Variants in ELF2 observed in about 807,000 individuals in gnomAD.
ELF2 encodes the protein E74 like ETS transcription factor 2.
ELF2 carries 11 observed loss-of-function variants against 54.8 expected under a neutral mutation model. The observed-to-expected ratio is 0.20, with a 90% CI of 0.13 to 0.33. ELF2 has a LOEUF of 0.33. Among genes scored for constraint, ELF2 ranks in the 10% least tolerant of loss-of-function variants. The pLI is 1.00. For synonymous variants in ELF2, 203 were observed against 245.1 expected (o/e 0.83, Z 1.61); for missense variants, 513 against 703.0 (o/e 0.73, Z 3.06).
intron 4 of ELF2, among the ~76,000 whole-genome samples, chr4:139,091,053 C>T (rs1043503922): frequency 6.6e-5 from 10 of 152,180 alleles, no homozygotes; most frequent in African/African-American, 2.4e-4. Context: ...CCTGCCTCAG[C>T]CTCCCAAGTA....
At chr4:139,134,901 T>C (rs963043922) in intron 3 of ELF2, among the ~76,000 whole-genome samples, 7 of 151,860 alleles carry the variant, frequency 4.6e-5, no homozygotes, top group African/African-American at 1.4e-4. Flanking sequence ...ATTTGGTACT[T>C]TGAATTTTTA....
intron 4 of ELF2, among the ~76,000 whole-genome samples, chr4:139,124,161 C>T (rs889442203): frequency 7.2e-5 from 11 of 152,148 alleles, no homozygotes; most frequent in Non-Finnish European, 1.3e-4. Flanking sequence ...TACAGATGCA[C>T]ACCACCACAC....
At chr4:139,134,582 ATATTTAT>A (rs1560851088) in intron 3 of ELF2, among the ~76,000 whole-genome samples, 16 of 143,784 alleles carry the variant, frequency 1.1e-4, no homozygotes, top group Middle Eastern at 3.5e-3. Context: ...ATTTTATGTT[ATATTTAT>A]TTTATTTTAT....
intron 4 of ELF2, among the ~76,000 whole-genome samples, chr4:139,083,460 C>G (rs529566747): frequency 4.8e-4 from 73 of 152,278 alleles, no homozygotes; most frequent in Non-Finnish European, 9.0e-4. Flanking sequence ...AAACATCATC[C>G]CGGTTACTCA....
intron 6 of ELF2, among the ~76,000 whole-genome samples, chr4:139,069,343 T>C (rs1172384243): frequency 6.6e-6 from 1 of 152,200 alleles, no homozygotes; most frequent in Non-Finnish European, 1.5e-5. Flanking sequence ...TTCTGGTAAT[T>C]GTAATCAGAA....
At chr4:139,078,770 C>A (rs529151977) in intron 4 of ELF2, among the ~76,000 whole-genome samples, 55 of 151,728 alleles carry the variant, frequency 3.6e-4, no homozygotes, top group Non-Finnish European at 5.4e-4. Context: ...AGCTATCCTC[C>A]GACCTTTTTT....
chr4:139,169,509 T>C (rs923319169), intron 1 of ELF2, among the ~76,000 whole-genome samples: 1 of 152,128 alleles, frequency 6.6e-6, no homozygotes, highest in Non-Finnish European at 1.5e-5. Context: ...CTGATCTTTA[T>C]AGCCAAACAT....
At chr4:139,164,823 T>G (rs1335248924) in intron 1 of ELF2, among the ~76,000 whole-genome samples, 1 of 152,258 alleles carries the variant, frequency 6.6e-6, no homozygotes, top group Non-Finnish European at 1.5e-5. Flanking sequence ...TATTGGCTTT[T>G]ACTGATGTGT....
intron 3 of ELF2, among the ~76,000 whole-genome samples, chr4:139,127,849 C>T (rs192854049): frequency 8.4e-4 from 128 of 151,874 alleles, no homozygotes; most frequent in Non-Finnish European, 1.6e-3. Flanking sequence ...CCTGTAATCC[C>T]AGCTACTTGG....
intron 3 of ELF2, among the ~76,000 whole-genome samples, chr4:139,134,193 GT>G (rs1227264094): frequency 1.3e-5 from 2 of 151,892 alleles, no homozygotes; most frequent in African/African-American, 4.8e-5. Flanking sequence ...TGGCAAATGG[GT>G]TTTCTGTAAC....
chr4:139,098,556 C>T (rs1733533908), intron 4 of ELF2, among the ~76,000 whole-genome samples: 1 of 151,952 alleles, frequency 6.6e-6, no homozygotes, highest in Admixed American at 6.5e-5. Context: ...GCAACCTCCA[C>T]CCTCCAGGTT....
At chr4:139,063,386 T>C (rs1226145195) in intron 7 of ELF2, among the ~76,000 whole-genome samples, 1 of 152,232 alleles carries the variant, frequency 6.6e-6, no homozygotes, top group African/African-American at 2.4e-5. Flanking sequence ...TATATATACT[T>C]ATATCTTAAA....
At chr4:139,164,653 T>C (rs892105936) in intron 1 of ELF2, among the ~76,000 whole-genome samples, 4 of 152,226 alleles carry the variant, frequency 2.6e-5, no homozygotes, top group East Asian at 3.9e-4. Flanking sequence ...ACAACAAATA[T>C]CTAAAATTTT....
rs542901294 is a variant in ELF2 at position 139,134,527 on chromosome 4, TTATTG to T, written c.72+3098_72+3102del. ...GCATGCTACCATGCCTGGCTAGTAT[TTATTG>T]TATTGTATTGTATTGTATTGTTTTA... On this transcript the variant is annotated intron_variant, in intron 3 of 9. Coordinates refer to ENST00000686138, the MANE Select transcript of ELF2 (RefSeq NM_001331036.3). Among the ~76,000 whole-genome samples, 815 of 150,982 alleles carry T rather than the reference TTATTG, an allele frequency of 5.4e-3. 11 individuals carry two copies. The highest frequency in any genetic ancestry group is 0.016 in the African/African-American group (669 of 40,634).
chr4:139,144,427 A>C (rs1739020657), intron 1 of ELF2, among the ~76,000 whole-genome samples: 1 of 152,258 alleles, frequency 6.6e-6, no homozygotes, highest in African/African-American at 2.4e-5. Context: ...CAACTGAGGC[A>C]GTGGTTGCAG....
rs1182121016 is a variant in ELF2, at chr4:139,071,936, C to T, written c.456G>A (p.Glu152=). The part of the protein sequence containing the change: ...TETVVEVSTE[E]SEPMDTSPIP... ...TAGGAGAGGTATCCATGGGTTCAGA[C>T]TCTTCAGTTGACACCTCCACTACAG... The change falls in exon 6 of 10, where the codon GAG becomes GAA. Residue 152 remains glutamate, a synonymous_variant. Transcript: ENST00000686138. The T allele has an allele frequency of 6.2e-7, 1 of 1,613,844 alleles. No homozygotes were observed. Among genetic ancestry groups the T allele is most frequent in the Non-Finnish European group, 8.5e-7 (1 of 1,179,990 alleles).
intron 4 of ELF2, among the ~76,000 whole-genome samples, chr4:139,123,995 A>C (rs1172469507): frequency 1.3e-5 from 2 of 151,990 alleles, no homozygotes; most frequent in Non-Finnish European, 2.9e-5. Flanking sequence ...ATCAGATACC[A>C]CTCCAGACTA....
chr4:139,132,876 A>AG (rs1737678930), intron 3 of ELF2, among the ~76,000 whole-genome samples: 1 of 137,012 alleles, frequency 7.3e-6, no homozygotes, highest in African/African-American at 2.7e-5. Context: ...ATATATATAA[A>AG]ATATGTAATT....
intron 1 of ELF2, among the ~76,000 whole-genome samples, chr4:139,149,445 A>G (rs545377447): frequency 7.2e-5 from 11 of 152,082 alleles, no homozygotes; most frequent in African/African-American, 2.7e-4. Flanking sequence ...CCCCACCTCC[A>G]CTAAAAATAC....
Sources: allele counts gnomAD v4.1 joint callset (sites outside exome capture counted in the v4.1 genomes callset), GRCh38; gene constraint gnomAD v4.1.1; transcripts MANE v1.5; gene names NCBI Gene and HGNC (gene_info 2026-07-23, HGNC 2026-07-21).